MRPL37: variants seen among roughly 807,000 people sequenced by gnomAD.
The protein encoded by MRPL37 is mitochondrial ribosomal protein L37, also known as large ribosomal subunit protein mL37.
MRPL37 carries 34 observed loss-of-function variants against 44.1 expected under a neutral mutation model. The observed-to-expected ratio is 0.77, with a 90% CI of 0.59 to 1.03. The LOEUF (loss-of-function observed/expected upper bound fraction) is 1.03. MRPL37 is among the 50% of genes least tolerant of loss of function. The pLI, the probability that MRPL37 is intolerant of heterozygous loss-of-function variation, is 0.00. For synonymous variants in MRPL37, 212 were observed against 219.5 expected (o/e 0.97, Z 0.30); for missense variants, 532 against 543.7 (o/e 0.98, Z 0.21).
At chr1:54,222,280 C>A (rs1342165480), downstream of MRPL37, among the ~76,000 whole-genome samples, 1 of 152,152 alleles carries the variant, frequency 6.6e-6, no homozygotes, top group East Asian at 1.9e-4. Flanking sequence ...TGGAAGGCTT[C>A]CAGGAGGAGG....
chr1:54,208,798 A>G (rs1289036241), intron 3 of MRPL37, among the ~76,000 whole-genome samples: 5 of 152,002 alleles, frequency 3.3e-5, no homozygotes, highest in Admixed American at 6.6e-5. Context: ...TTCCCTCTGG[A>G]GAACATTTGG....
rs563472063 is a variant in MRPL37, at chr1:54,207,187, T to G, written c.646+1777T>G. ...CCCATTCTGCCATCATAGCACAGAT[T>G]ACACTGTATTGTCAGTATCTACTGT... On this transcript the variant is annotated intron_variant, in intron 3 of 6. Coordinates refer to ENST00000360840, the MANE Select transcript of MRPL37 (RefSeq NM_016491.4). Among the ~76,000 whole-genome samples, 30 of 152,348 alleles carry G rather than the reference T, an allele frequency of 2.0e-4. 1 individual carries two copies. In the South Asian group the frequency reaches 5.8e-3, roughly 29 times the overall value.
chr1:54,211,925 C>T (rs1448393202), intron 4 of MRPL37, among the ~76,000 whole-genome samples: 1 of 152,232 alleles, frequency 6.6e-6, no homozygotes, highest in African/African-American at 2.4e-5. Context: ...AAGGTCATGG[C>T]TGAAAAGAAC....
At position 54,202,986 on chromosome 1, in the gene MRPL37, CTAGGTCTATGCATGT is replaced by C. The variant is rs1226879379; in HGVS notation, c.347-2030_347-2016del. 5.9e-5 allele frequency among the ~76,000 whole-genome samples: 9 copies of C among 152,198 alleles called. No homozygotes were observed. The South Asian group carries it at 1.2e-3, about 21-fold the overall frequency. ...TTTACTTGATCCAGAACTTAGATACCTAGGTCTATGCATGTTCCTCCCTTAGAGAAGCCAAATTTG... is the reference window on the plus strand; with the variant it reads ...TTTACTTGATCCAGAACTTAGATACCTCCTCCCTTAGAGAAGCCAAATTTG... On this transcript the variant is annotated intron_variant, in intron 1 of 6. Transcript: ENST00000360840.
rs970009509 is a variant in MRPL37 at position 54,216,009 on chromosome 1, T to C, written c.991-132T>C. 6.5e-6 allele frequency: 6 copies of C among 928,206 alleles called. No individual in the cohort carries two copies. In the East Asian group the frequency reaches 7.3e-5, roughly 11 times the overall value. 57.5% of individuals were successfully genotyped at this position (928,206 alleles called of 1,614,324 possible). ...CCTGAACTCCTCATTCTATTTTAAT[T>C]GTCCCAAAGAGAAGCCATTCAGTGG... On this transcript the variant is annotated intron_variant, in intron 5 of 6. Transcript: ENST00000360840.
At chr1:54,213,049 G>A (rs1161659019) in intron 5 of MRPL37, among the ~76,000 whole-genome samples, 6 of 152,232 alleles carry the variant, frequency 3.9e-5, no homozygotes, top group Admixed American at 3.3e-4. Context: ...CTCTGTTCTT[G>A]TAGTGGCAGA....
At position 54,209,714 on chromosome 1, in the gene MRPL37, C is replaced by A. The variant is rs35410827; in HGVS notation, c.647-232C>A. On this transcript the variant is annotated intron_variant, in intron 3 of 6. Transcript: ENST00000360840. ...GACCTCGTGATCCACCCGCCTCAGC[C>A]TCCCAAAGTGCTGGGATTACAGGCG... Among the ~76,000 whole-genome samples the A allele has an allele frequency of 1.8e-3, 271 of 152,304 alleles. 4 individuals carry two copies. In the East Asian group the frequency reaches 0.045, roughly 25 times the overall value.
intron 6 of MRPL37, among the ~76,000 whole-genome samples, chr1:54,217,564 A>G (rs2100517071): frequency 6.6e-6 from 1 of 151,498 alleles, no homozygotes; most frequent in Middle Eastern, 3.4e-3. Flanking sequence ...CTTCATTTCT[A>G]CTTCTTCTAT....
intron 1 of MRPL37, among the ~76,000 whole-genome samples, chr1:54,202,903 A>G (rs1282814853): frequency 2.0e-5 from 3 of 152,230 alleles, no homozygotes; most frequent in African/African-American, 2.4e-5. Context: ...ATTTTTGGGC[A>G]TGATCATTGA....
Position 54,205,346 on chromosome 1 carries a change from G to A in MRPL37, c.582G>A (p.Lys194=). ...LIQLCKSQIL[K]HPSLARRICV... is the part of the protein sequence containing the mutation. ...AGCTGTGTAAATCTCAGATTCTCAAGCATCCTTCTCTGGCCAGGAGGATCT... is the reference window on the plus strand; with the variant it reads ...AGCTGTGTAAATCTCAGATTCTCAAACATCCTTCTCTGGCCAGGAGGATCT... The change falls in exon 3 of 7, where the codon AAG becomes AAA. Residue 194 remains lysine (K), a synonymous_variant. Transcript: ENST00000360840. 1 of 1,614,142 alleles carries A rather than the reference G, an allele frequency of 6.2e-7. No individual in the cohort carries two copies. Among genetic ancestry groups the A allele is most frequent in the East Asian group, 2.2e-5 (1 of 44,878 alleles).
At chr1:54,204,285 G>A (rs1417627871) in intron 1 of MRPL37, among the ~76,000 whole-genome samples, 1 of 152,126 alleles carries the variant, frequency 6.6e-6, no homozygotes, top group Non-Finnish European at 1.5e-5. Context: ...GAGAAGCTGA[G>A]GCAGGAGAAT....
intron 5 of MRPL37, 48 bp from the exon 6 acceptor site, chr1:54,216,093 A>G: frequency 6.2e-7 from 1 of 1,602,014 alleles, no homozygotes; most frequent in Non-Finnish European, 8.6e-7. Flanking sequence ...GCTGTTCCTT[A>G]CACTCCACAG....
downstream of MRPL37, among the ~76,000 whole-genome samples, chr1:54,219,256 G>A (rs1644218151): frequency 6.6e-6 from 1 of 152,262 alleles, no homozygotes; most frequent in Non-Finnish European, 1.5e-5. Context: ...AGGTGGCTTT[G>A]TTGGTCTGTA....
At chr1:54,222,839 C>T (rs573039103), downstream of MRPL37, among the ~76,000 whole-genome samples, 234 of 152,310 alleles carry the variant, frequency 1.5e-3, 1 homozygote, top group Middle Eastern at 3.4e-3. Context: ...GCTCTTCCTG[C>T]AGCTTGCCTC....
In MRPL37 at chr1:54,205,304, C is replaced by T. The variant is rs955170364; in HGVS notation, c.540C>T (p.Ile180=). The change falls in exon 3 of 7, where the codon ATC becomes ATT. Residue 180 remains isoleucine, a synonymous_variant. Transcript: ENST00000360840. The part of the protein sequence containing the change: ...IPKRETYCPV[I]VDNLIQLCKS... ...TCTTTTTGTCTTCAAGCCCGGTCAT[C>T]GTGGACAACCTAATACAGCTGTGTA... 3.7e-6 allele frequency: 6 copies of T among 1,612,908 alleles called. No individual in the cohort carries two copies. The African/African-American group carries it at 4.0e-5, about 11-fold the overall frequency.
intron 6 of MRPL37, 51 bp from the exon 7 acceptor site, chr1:54,218,121 T>C: frequency 6.7e-7 from 1 of 1,493,158 alleles, no homozygotes. Context: ...TTGTTTTAAT[T>C]GCTGCCGTTA....
At chr1:54,209,913 C>T in intron 3 of MRPL37, 33 bp from the exon 4 acceptor site, 2 of 1,604,196 alleles carry the variant, frequency 1.2e-6, no homozygotes, top group Middle Eastern at 1.8e-4. Flanking sequence ...GCCTTTAGTA[C>T]CAGGTTAGAG....
downstream of MRPL37, chr1:54,225,035 G>T: frequency 8.4e-7 from 1 of 1,193,562 alleles, no homozygotes; most frequent in South Asian, 4.3e-5. Context: ...CCCGAGGGGA[G>T]AAAGCAGGGA....
chr1:54,216,456 G>T (rs1416244621), intron 6 of MRPL37, 112 bp downstream of exon 6: 37 of 1,267,272 alleles, frequency 2.9e-5, no homozygotes, highest in Non-Finnish European at 3.7e-5. Context: ...TGGCCCTGGG[G>T]ACTTCCCACC....
Sources: gnomAD v4.1 joint callset for allele counts (sites outside exome capture counted in the v4.1 genomes callset) on GRCh38, gnomAD v4.1.1 for gene constraint, MANE v1.5 for transcripts, NCBI Gene and HGNC (gene_info 2026-07-23, HGNC 2026-07-21) for gene names.